Variants in OXR1 observed in about 807,000 individuals in gnomAD.
The protein encoded by OXR1 is oxidation resistance protein 1.
Under a neutral mutation model 104.6 loss-of-function variants are expected in OXR1, and 41 were observed. That is an observed-to-expected ratio of 0.39 (90% CI 0.31 to 0.51). The LOEUF is 0.51. Ranked by LOEUF, OXR1 falls within the 20% of genes least tolerant of loss-of-function variation. The pLI, the probability that OXR1 is intolerant of heterozygous loss-of-function variation, is 0.77. For missense variants in OXR1, 955 were observed against 1,031.9 expected (o/e 0.93, Z 1.02); for synonymous variants, 348 against 348.4 (o/e 1.00, Z 0.01).
intron 7 of OXR1, chr8:106,697,851 G>A: frequency 6.2e-7 from 1 of 1,612,346 alleles, no homozygotes; most frequent in Non-Finnish European, 8.5e-7. Flanking sequence ...CCTTGAGCCA[G>A]TTCTGGAAGT....
intron 2 of OXR1, among the ~76,000 whole-genome samples, chr8:106,385,038 A>T (rs983539554): frequency 1.3e-5 from 2 of 152,194 alleles, no homozygotes; most frequent in African/African-American, 4.8e-5. Flanking sequence ...TTAACTTAAA[A>T]TAATATTAAA....
intron 3 of OXR1, among the ~76,000 whole-genome samples, chr8:106,559,213 G>A (rs1248817576): frequency 6.6e-6 from 1 of 152,158 alleles, no homozygotes; most frequent in African/African-American, 2.4e-5. Flanking sequence ...AACAAGGATG[G>A]ACTTTCCTCC....
At chr8:106,431,324 T>C (rs923178789) in intron 2 of OXR1, among the ~76,000 whole-genome samples, 6 of 152,172 alleles carry the variant, frequency 3.9e-5, no homozygotes, top group African/African-American at 1.4e-4. Context: ...ACTGTTGTTT[T>C]AAACTGGTGT....
chr8:106,751,023 C>T lies in OXR1; in HGVS notation c.*82C>T. 3.1e-6 allele frequency: 3 copies of T among 978,108 alleles called. No homozygotes were observed. Among genetic ancestry groups the T allele is most frequent in the Non-Finnish European group, 4.6e-6 (3 of 650,742 alleles). 60.6% of individuals were successfully genotyped at this position (978,108 alleles called of 1,614,324 possible). On this transcript the variant is annotated 3_prime_UTR_variant, in exon 17 of 17. Coordinates refer to ENST00000517566, the MANE Select transcript of OXR1 (RefSeq NM_001198533.2). ...TGTTTGGAAAGTTCAAGAAGCAATACAGTGTAACATGTCACTTGTGCTTTA... is the reference window on the plus strand; with the variant it reads ...TGTTTGGAAAGTTCAAGAAGCAATATAGTGTAACATGTCACTTGTGCTTTA...
At chr8:106,275,211 A>G (rs1210782618) in intron 1 of OXR1, among the ~76,000 whole-genome samples, 1 of 152,270 alleles carries the variant, frequency 6.6e-6, no homozygotes, top group Non-Finnish European at 1.5e-5. Flanking sequence ...TACAGCCTAG[A>G]CAAGGAAGAA....
chr8:106,436,137 T>C (rs1233235728), intron 2 of OXR1, among the ~76,000 whole-genome samples: 2 of 152,132 alleles, frequency 1.3e-5, no homozygotes, highest in Non-Finnish European at 2.9e-5. Flanking sequence ...GAGCTAGTAA[T>C]TATTGAAATT....
chr8:106,640,846 A>G (rs1238606023), intron 3 of OXR1, among the ~76,000 whole-genome samples: 1 of 152,204 alleles, frequency 6.6e-6, no homozygotes, highest in Non-Finnish European at 1.5e-5. Flanking sequence ...TTTGTTCACA[A>G]TACTTGAAAG....
At chr8:106,697,367 A>T in intron 7 of OXR1, 12 of 1,157,190 alleles carry the variant, frequency 1.0e-5, no homozygotes, top group Non-Finnish European at 1.5e-5. Context: ...GCTAAAATAT[A>T]TATCTACATG....
intron 2 of OXR1, among the ~76,000 whole-genome samples, chr8:106,427,517 C>T (rs1819182809): frequency 6.6e-6 from 1 of 152,232 alleles, no homozygotes; most frequent in Non-Finnish European, 1.5e-5. Flanking sequence ...CCACTAGGGG[C>T]GTCACTGTAC....
At chr8:106,313,320 G>A (rs561726903) in intron 1 of OXR1, among the ~76,000 whole-genome samples, 2 of 152,216 alleles carry the variant, frequency 1.3e-5, no homozygotes, top group East Asian at 3.9e-4. Flanking sequence ...TGGACTTTTA[G>A]GGGGTAAGGG....
intron 1 of OXR1, among the ~76,000 whole-genome samples, chr8:106,333,760 C>A (rs1182147068): frequency 1.2e-4 from 18 of 152,040 alleles, no homozygotes; most frequent in Non-Finnish European, 2.2e-4. Flanking sequence ...TGTTGAAATT[C>A]AATTGACCAT....
At chr8:106,495,368 A>C (rs187909543) in intron 2 of OXR1, among the ~76,000 whole-genome samples, 61 of 152,282 alleles carry the variant, frequency 4.0e-4, no homozygotes, top group African/African-American at 1.4e-3. Flanking sequence ...GCAATTCTAT[A>C]AATAGAGAGA....
At chr8:106,470,258 C>G (rs1821414570) in intron 2 of OXR1, among the ~76,000 whole-genome samples, 1 of 151,768 alleles carries the variant, frequency 6.6e-6, no homozygotes, top group Non-Finnish European at 1.5e-5. Context: ...ATTAAAAGTA[C>G]ATACATCCTA....
At chr8:106,591,039 C>T (rs1036537393) in intron 3 of OXR1, among the ~76,000 whole-genome samples, 6 of 151,742 alleles carry the variant, frequency 4.0e-5, no homozygotes, top group African/African-American at 9.7e-5. Context: ...GGTATCATTG[C>T]GTTTCTAAAG....
intron 1 of OXR1, among the ~76,000 whole-genome samples, chr8:106,314,903 C>T (rs970321283): frequency 1.3e-5 from 2 of 152,124 alleles, no homozygotes; most frequent in Non-Finnish European, 2.9e-5. Flanking sequence ...AGAATTTTAT[C>T]TCCGTGATGA....
chr8:106,636,485 C>T (rs905653521), intron 3 of OXR1, among the ~76,000 whole-genome samples: 1 of 152,112 alleles, frequency 6.6e-6, no homozygotes, highest in African/African-American at 2.4e-5. Context: ...CTAAAATAAA[C>T]TCAGCCATCA....
chr8:106,391,267 A>C (rs1158975145), intron 2 of OXR1, among the ~76,000 whole-genome samples: 1 of 152,174 alleles, frequency 6.6e-6, no homozygotes, highest in Non-Finnish European at 1.5e-5. Flanking sequence ...AAGATACAGA[A>C]ATTATATTTA....
At chr8:106,721,591 AAAC>A (rs1267975382) in intron 11 of OXR1, among the ~76,000 whole-genome samples, 6 of 152,190 alleles carry the variant, frequency 3.9e-5, no homozygotes, top group African/African-American at 1.4e-4. Flanking sequence ...TGGGGTTTTG[AAAC>A]AACCTGTATC....
intron 2 of OXR1, among the ~76,000 whole-genome samples, chr8:106,493,106 A>T (rs1188991354): frequency 2.6e-5 from 4 of 152,136 alleles, no homozygotes; most frequent in Non-Finnish European, 4.4e-5. Context: ...ATTATAAATT[A>T]TTATACATTC....
Sources: allele counts gnomAD v4.1 joint callset (sites outside exome capture counted in the v4.1 genomes callset), GRCh38; gene constraint gnomAD v4.1.1; transcripts MANE v1.5; gene names NCBI Gene and HGNC (gene_info 2026-07-23, HGNC 2026-07-21).